HTR2C: variants seen among roughly 807,000 people sequenced by gnomAD.
HTR2C encodes 5-hydroxytryptamine receptor 2C, also known as 5-hydroxytryptamine (serotonin) receptor 2C, G protein-coupled.
Under a neutral mutation model 21.0 loss-of-function variants are expected in HTR2C, and 5 were observed. That is an observed-to-expected ratio of 0.24 (90% CI 0.12 to 0.50). The LOEUF is 0.50. Among genes scored for constraint, HTR2C ranks in the 20% least tolerant of loss-of-function variants. The pLI is 0.98. For synonymous variants in HTR2C, 150 were observed against 145.3 expected (o/e 1.03, Z -0.23); for missense variants, 271 against 371.2 (o/e 0.73, Z 2.22).
At chrX:114,891,214 T>G (rs1445501325) in intron 5 of HTR2C, among the ~76,000 whole-genome samples, 1 of 111,384 alleles carries the variant, frequency 9.0e-6, no homozygotes, top group Non-Finnish European at 1.9e-5. Flanking sequence ...CTCGAACTTA[T>G]TGAACATATT....
chrX:114,593,385 T>G (rs1409693382), intron 1 of HTR2C, among the ~76,000 whole-genome samples: 1 of 111,502 alleles, frequency 9.0e-6, no homozygotes, highest in South Asian at 3.8e-4. Context: ...TGCATGCCAC[T>G]GCACCTGGCT....
At chrX:114,608,207 T>G (rs1369808665) in intron 1 of HTR2C, among the ~76,000 whole-genome samples, 1 of 111,687 alleles carries the variant, frequency 9.0e-6, no homozygotes, top group Non-Finnish European at 1.9e-5. Flanking sequence ...TAAGATCTGC[T>G]TTTTCCTTCG....
intron 2 of HTR2C, among the ~76,000 whole-genome samples, chrX:114,646,402 T>TA (rs1930362359): frequency 8.9e-6 from 1 of 112,170 alleles, no homozygotes; most frequent in Non-Finnish European, 1.9e-5. Context: ...TTTAAATTGT[T>TA]AAAAATCACA....
At chrX:114,778,416 A>G (rs2070080755) in intron 4 of HTR2C, among the ~76,000 whole-genome samples, 2 of 111,615 alleles carry the variant, frequency 1.8e-5, no homozygotes, top group Admixed American at 1.9e-4. Context: ...TTATTAGAAC[A>G]TTATTTTAGA....
At chrX:114,791,256 C>T (rs781932422) in intron 4 of HTR2C, among the ~76,000 whole-genome samples, 2 of 112,192 alleles carry the variant, frequency 1.8e-5, no homozygotes, top group Non-Finnish European at 3.8e-5. Context: ...TGTTCTGGTA[C>T]GTTAATCTGA....
At chrX:114,705,362 A>G (rs1455262409) in intron 2 of HTR2C, among the ~76,000 whole-genome samples, 4 of 110,971 alleles carry the variant, frequency 3.6e-5, no homozygotes, top group African/African-American at 1.3e-4. Context: ...AAACAGAGAT[A>G]TAGATCAATG....
intron 4 of HTR2C, chrX:114,776,557 C>A (rs1381038894): frequency 3.8e-6 from 2 of 528,108 alleles, no homozygotes; most frequent in Non-Finnish European, 3.4e-6. Context: ...TGCATCCAAT[C>A]AGATGTTTGG....
intron 5 of HTR2C, among the ~76,000 whole-genome samples, chrX:114,875,004 A>G (rs998226321): frequency 9.0e-6 from 1 of 111,418 alleles, no homozygotes; most frequent in Admixed American, 9.6e-5. Context: ...GACAGCATAT[A>G]GATAAGTAAA....
chrX:114,604,575 T>G (rs989125076), intron 1 of HTR2C, among the ~76,000 whole-genome samples: 137 of 110,751 alleles, frequency 1.2e-3, no homozygotes, highest in Non-Finnish European at 2.1e-3. Flanking sequence ...CAGCCGCTAA[T>G]CCGAGAAGAT....
intron 4 of HTR2C, among the ~76,000 whole-genome samples, chrX:114,753,496 A>G: frequency 9.0e-6 from 1 of 111,600 alleles, no homozygotes; most frequent in Non-Finnish European, 1.9e-5. Context: ...AAAGAAGTAA[A>G]ACAGTTCCCA....
At chrX:114,760,628 T>C (rs939585598) in intron 4 of HTR2C, among the ~76,000 whole-genome samples, 2 of 111,631 alleles carry the variant, frequency 1.8e-5, no homozygotes, top group African/African-American at 3.3e-5. Context: ...GCTATCCTCC[T>C]GCCTCAGCCT....
intron 2 of HTR2C, among the ~76,000 whole-genome samples, chrX:114,658,059 ATTTT>A (rs35624315): frequency 2.9e-4 from 32 of 108,548 alleles, no homozygotes; most frequent in African/African-American, 1.1e-3. Flanking sequence ...GAGTAAAACA[ATTTT>A]TTTTTGTTTG....
At chrX:114,762,036 A>G (rs182865572) in intron 4 of HTR2C, among the ~76,000 whole-genome samples, 1,521 of 94,358 alleles carry the variant, frequency 0.016, 127 homozygotes, top group African/African-American at 0.055. Flanking sequence ...GTACACATAT[A>G]TGTGTATATA....
At chrX:114,601,437 C>G (rs1171226589) in intron 1 of HTR2C, among the ~76,000 whole-genome samples, 1 of 105,120 alleles carries the variant, frequency 9.5e-6, no homozygotes, top group African/African-American at 3.5e-5. Context: ...AAATTACAGT[C>G]AAAGGGGGTT....
chrX:114,750,605 G>C (rs183655891), intron 4 of HTR2C, among the ~76,000 whole-genome samples: 5 of 111,595 alleles, frequency 4.5e-5, no homozygotes, highest in African/African-American at 1.6e-4. Flanking sequence ...TTTAATTCTC[G>C]CAAACCATAT....
chrX:114,836,571 C>T (rs1346863986), intron 4 of HTR2C, among the ~76,000 whole-genome samples: 2 of 112,064 alleles, frequency 1.8e-5, no homozygotes, highest in African/African-American at 3.2e-5. Flanking sequence ...GGCTCGTGCA[C>T]GGTGCGTGCA....
intron 5 of HTR2C, among the ~76,000 whole-genome samples, chrX:114,864,882 T>C (rs2071033307): frequency 1.2e-5 from 1 of 85,340 alleles, no homozygotes; most frequent in African/African-American, 3.9e-5. Flanking sequence ...TTGGGGGTTA[T>C]TTTTTCTTTT....
In HTR2C at chrX:114,614,024, T is replaced by C. The variant is rs1176177712; in HGVS notation, c.-80+143T>C. 4 of 110,634 alleles carry C rather than the reference T, an allele frequency of 3.6e-5. No homozygotes were observed. The Admixed American group carries it at 3.8e-4, about 11-fold the overall frequency. 9.1% of individuals were successfully genotyped at this position (110,634 alleles called of 1,213,427 possible). A position where few individuals can be genotyped will look rare whatever the true frequency, so the allele number is the denominator to read the frequency against. On this transcript the variant is annotated intron_variant, in intron 2 of 5. Transcript: ENST00000276198. ...TATGCCATTAAGGGCCTAACATGTT[T>C]GAAAAAGAATATTATGTAATTGGTA... is the stretch of plus-strand genomic sequence containing the variant.
chrX:114,646,551 G>A (rs1360094789), intron 2 of HTR2C, among the ~76,000 whole-genome samples: 3 of 111,987 alleles, frequency 2.7e-5, no homozygotes, highest in Non-Finnish European at 5.6e-5. Context: ...GATTCGTGAG[G>A]AACATTTTTT....
Sources: gnomAD v4.1 joint callset for allele counts (sites outside exome capture counted in the v4.1 genomes callset) on GRCh38, gnomAD v4.1.1 for gene constraint, MANE v1.5 for transcripts, NCBI Gene and HGNC (gene_info 2026-07-23, HGNC 2026-07-21) for gene names.